Variants in PRELID2 observed in about 807,000 individuals in gnomAD.
The protein encoded by PRELID2 is PRELI domain containing 2.
PRELID2 carries 25 observed loss-of-function variants against 28.4 expected under a neutral mutation model. The observed-to-expected ratio is 0.88, with a 90% confidence interval of 0.64 to 1.23. The LOEUF is 1.23. PRELID2 is among the 50% of genes most tolerant of loss of function. The pLI is 0.00. For synonymous variants in PRELID2, 76 were observed against 71.6 expected (o/e 1.06, Z -0.31); for missense variants, 201 against 214.4 (o/e 0.94, Z 0.39).
the PRELID2 span, among the ~76,000 whole-genome samples, chr5:145,458,150 T>C: frequency 6.6e-6 from 1 of 152,192 alleles, no homozygotes; most frequent in African/African-American, 2.4e-5. Context: ...ACTTTGAAAA[T>C]AATTTTCTGA....
At position 145,604,118 on chromosome 5, in the gene PRELID2, CA is replaced by C. The variant is rs893633469; in HGVS notation, n.71-130804del. On this transcript the variant is annotated intron_variant and non_coding_transcript_variant, in intron 1 of 2. Transcript: ENST00000510259. The stretch of plus-strand genomic sequence containing the variant: ...TCTCTTTATTATTAACTTTTAGGTT[CA>C]GGGGTACATATGCAGGTTTGTAATA... 7.3e-4 allele frequency among the ~76,000 whole-genome samples: 111 copies of C among 151,934 alleles called. 2 individuals are homozygous for C. The highest frequency in any genetic ancestry group is 2.7e-3 in the African/African-American group (110 of 41,452).
intron 1 of PRELID2, among the ~76,000 whole-genome samples, chr5:145,699,815 A>G (rs1290043555): frequency 3.3e-5 from 5 of 152,180 alleles, no homozygotes; most frequent in Non-Finnish European, 7.4e-5. Context: ...TTCTGGAAAG[A>G]AAACATCACC....
chr5:145,717,408 A>AC, intron 1 of PRELID2, among the ~76,000 whole-genome samples: 1 of 152,200 alleles, frequency 6.6e-6, no homozygotes, highest in African/African-American at 2.4e-5. Flanking sequence ...TAAAATGGTT[A>AC]ATTTTATGGT....
chr5:145,331,149 T>C, the PRELID2 span, among the ~76,000 whole-genome samples: 3 of 152,240 alleles, frequency 2.0e-5, no homozygotes, highest in Non-Finnish European at 4.4e-5. Flanking sequence ...CTGTTTGTTA[T>C]GATTTCCATT....
the PRELID2 span, among the ~76,000 whole-genome samples, chr5:145,404,650 A>G: frequency 6.6e-6 from 1 of 152,154 alleles, no homozygotes; most frequent in African/African-American, 2.4e-5. Context: ...TCATCTGTAA[A>G]ATGGAAAGAA....
chr5:145,706,068 G>A (rs936310363), intron 1 of PRELID2, among the ~76,000 whole-genome samples: 3 of 152,004 alleles, frequency 2.0e-5, no homozygotes, highest in African/African-American at 4.8e-5. Context: ...TGTAGCATAG[G>A]CATATATTAC....
At chr5:145,405,326 G>T in the PRELID2 span, among the ~76,000 whole-genome samples, 6 of 151,962 alleles carry the variant, frequency 3.9e-5, no homozygotes, top group African/African-American at 1.5e-4. Context: ...TGGTAATCTG[G>T]GTCCCCACCT....
chr5:145,511,496 C>A (rs948104048), intron 1 of PRELID2, among the ~76,000 whole-genome samples: 1 of 152,142 alleles, frequency 6.6e-6, no homozygotes. Flanking sequence ...ACAGAATACC[C>A]AACAGACAGT....
downstream of PRELID2, among the ~76,000 whole-genome samples, chr5:145,471,449 A>C (rs1752053487): frequency 6.6e-6 from 1 of 151,746 alleles, no homozygotes; most frequent in Non-Finnish European, 1.5e-5. Flanking sequence ...TTTAGAATCA[A>C]CTCCTTTGTC....
chr5:145,301,655 A>G, the PRELID2 span, among the ~76,000 whole-genome samples: 16 of 152,302 alleles, frequency 1.1e-4, no homozygotes, highest in East Asian at 2.7e-3. Flanking sequence ...GTTTATATCT[A>G]TGACCCATCT....
At position 145,588,879 on chromosome 5, in the gene PRELID2, TAAAA is replaced by T. The variant is rs10707481; in HGVS notation, n.71-115568_71-115565del. 7.8e-5 allele frequency among the ~76,000 whole-genome samples: 11 copies of T among 141,188 alleles called. No individual in the cohort carries two copies. In the East Asian group the frequency reaches 8.2e-4, roughly 10 times the overall value. The allele number at this position is 141,188 out of a possible 152,430, so 92.6% of individuals were successfully genotyped here. ...TGTTTTAGGGTATGCTTTTTATTGG[TAAAA>T]AAAAAAAAAATCGTCATTTTCTCCT... On this transcript the variant is annotated intron_variant and non_coding_transcript_variant, in intron 1 of 2. Coordinates refer to the PRELID2 transcript ENST00000510259.
intron 1 of PRELID2, among the ~76,000 whole-genome samples, chr5:145,707,440 A>C (rs1202306115): frequency 2.6e-5 from 4 of 152,220 alleles, no homozygotes; most frequent in Non-Finnish European, 5.9e-5. Flanking sequence ...CTTATAATAA[A>C]CCACAATAGA....
rs1186329224 is a variant in PRELID2 at position 145,740,959 on chromosome 5, TAAAG to T, written n.70+23968_70+23971del. ...ATATGTACATATATTTATCTATAAATAAAGTATATATTATATATTTGTGTATAAA... is the reference window on the plus strand; with the variant it reads ...ATATGTACATATATTTATCTATAAATTATATATTATATATTTGTGTATAAA... On this transcript the variant is annotated intron_variant and non_coding_transcript_variant, in intron 1 of 2. Transcript: ENST00000510259. Among the ~76,000 whole-genome samples the T allele has an allele frequency of 3.8e-5, 4 of 105,814 alleles. 1 individual carries two copies. The highest frequency in any genetic ancestry group is 2.5e-4 in the Admixed American group (2 of 7,898). 69.4% of individuals were successfully genotyped at this position (105,814 alleles called of 152,430 possible). A position where few individuals can be genotyped will look rare whatever the true frequency, so the allele number is the denominator to read the frequency against.
intron 5 of PRELID2, among the ~76,000 whole-genome samples, chr5:145,792,528 C>T (rs1581213744): frequency 6.6e-6 from 1 of 152,256 alleles, no homozygotes; most frequent in East Asian, 1.9e-4. Flanking sequence ...TCCTGCTTTC[C>T]ACCCTGAGCT....
chr5:145,750,000 G>T (rs1757087215), intron 1 of PRELID2, among the ~76,000 whole-genome samples: 3 of 151,512 alleles, frequency 2.0e-5, no homozygotes, highest in African/African-American at 7.3e-5. Context: ...TTAAGAGGAT[G>T]GGTTGATACG....
intron 1 of PRELID2, among the ~76,000 whole-genome samples, chr5:145,545,248 G>C (rs1752776064): frequency 6.6e-6 from 1 of 151,880 alleles, no homozygotes. Context: ...TTACTTAAAG[G>C]GTTTTCTTAA....
chr5:145,296,697 G>A, the PRELID2 span, among the ~76,000 whole-genome samples: 2 of 152,118 alleles, frequency 1.3e-5, no homozygotes, highest in African/African-American at 4.8e-5. Flanking sequence ...AGTCCTTTGG[G>A]TATATACCCA....
chr5:145,465,543 C>T, the PRELID2 span, among the ~76,000 whole-genome samples: 4 of 152,138 alleles, frequency 2.6e-5, no homozygotes, highest in African/African-American at 4.8e-5. Context: ...GGGTTAACTC[C>T]GACTCTACCC....
chr5:145,824,376 T>C (rs1457209144), intron 1 of PRELID2, among the ~76,000 whole-genome samples: 1 of 150,016 alleles, frequency 6.7e-6, no homozygotes, highest in African/African-American at 2.5e-5. Flanking sequence ...TTCCGAACCC[T>C]AGGAAGTGAA....
Sources: gnomAD v4.1 joint callset for allele counts (sites outside exome capture counted in the v4.1 genomes callset) on GRCh38, gnomAD v4.1.1 for gene constraint, MANE v1.5 for transcripts, NCBI Gene and HGNC (gene_info 2026-07-23, HGNC 2026-07-21) for gene names.